Variants in NR3C1 observed in about 807,000 individuals in gnomAD.
NR3C1 encodes glucocorticoid receptor.
NR3C1 carries 14 observed loss-of-function variants against 74.0 expected under a neutral mutation model. The ratio of observed to expected loss-of-function variants is 0.19; its 90% CI spans 0.12 to 0.30. The LOEUF is 0.30. Ranked by LOEUF, NR3C1 falls within the 10% of genes least tolerant of loss-of-function variation. NR3C1 has a pLI of 1.00. For synonymous variants in NR3C1, 308 were observed against 332.5 expected (o/e 0.93, Z 0.80); for missense variants, 695 against 909.8 (o/e 0.76, Z 3.04).
intron 2 of NR3C1, among the ~76,000 whole-genome samples, chr5:143,360,934 T>C (rs776584965): frequency 3.9e-5 from 6 of 152,072 alleles, no homozygotes; most frequent in African/African-American, 9.7e-5. Context: ...CAGTGAAAAA[T>C]AGAAACAAGC....
At position 143,300,448 on chromosome 5, in the gene NR3C1, G is replaced by A. The variant is rs1818275492; in HGVS notation, c.1747+37C>T. Reference sequence around the variant, plus strand: ...GTGTTTTTGCTGAAGAAAACACAAAGGTTTATATAGTTGCTCTTTTATGTT... The same window carrying A: ...GTGTTTTTGCTGAAGAAAACACAAAAGTTTATATAGTTGCTCTTTTATGTT... On this transcript the variant is annotated intron_variant, in intron 5 of 8. Coordinates refer to ENST00000394464, the MANE Select transcript of NR3C1 (RefSeq NM_000176.3). The surrounding 1 kb of genome is among the most constrained non-coding windows in gnomAD (Gnocchi z 5.2). The A allele has an allele frequency of 1.9e-6, 3 of 1,613,578 alleles. No homozygotes were observed. The highest frequency in any genetic ancestry group is 2.5e-6 in the Non-Finnish European group (3 of 1,179,574).
At chr5:143,282,340 A>G (rs1327226703) in intron 8 of NR3C1, among the ~76,000 whole-genome samples, 1 of 152,146 alleles carries the variant, frequency 6.6e-6, no homozygotes, top group African/African-American at 2.4e-5. Context: ...AAATTCTGTA[A>G]TAACATGGTG....
At chr5:143,404,240 A>C, upstream of NR3C1, 16 of 985,308 alleles carry the variant, frequency 1.6e-5, no homozygotes, top group Non-Finnish European at 1.9e-5. Context: ...GAAGTGTGTC[A>C]CTTCGAAAGG....
intron 2 of NR3C1, among the ~76,000 whole-genome samples, chr5:143,387,183 T>G (rs1276244537): frequency 6.6e-6 from 1 of 152,240 alleles, no homozygotes; most frequent in Non-Finnish European, 1.5e-5. Context: ...GCTTCCAGCC[T>G]TTCTACCTTA....
chr5:143,401,486 A>C (rs950494618), intron 1 of NR3C1: 14 of 155,532 alleles, frequency 9.0e-5, no homozygotes, highest in African/African-American at 3.4e-4. Flanking sequence ...AGGCTTTTTA[A>C]CCCATACTTC....
At chr5:143,377,371 GGAT>G (rs1198078425) in intron 2 of NR3C1, among the ~76,000 whole-genome samples, 3 of 152,176 alleles carry the variant, frequency 2.0e-5, no homozygotes, top group Non-Finnish European at 4.4e-5. Context: ...CTGCATGCCA[GGAT>G]GATACTTGAC....
intron 2 of NR3C1, among the ~76,000 whole-genome samples, chr5:143,347,102 G>A (rs1461578692): frequency 1.3e-5 from 2 of 152,146 alleles, no homozygotes; most frequent in Non-Finnish European, 2.9e-5. Context: ...TATAGTACAA[G>A]AAATGTATAT....
At chr5:143,349,224 T>TACA (rs1829826426) in intron 2 of NR3C1, among the ~76,000 whole-genome samples, 1 of 152,182 alleles carries the variant, frequency 6.6e-6, no homozygotes, top group Non-Finnish European at 1.5e-5. Context: ...TCATTTTCCT[T>TACA]ACAACACTAT....
Position 143,279,557 on chromosome 5 carries a change from A to T in NR3C1, c.*2332T>A. ...ATCTTAAAATATTACATTCCCTTTT[A>T]GAGAGCATTCAAAAAGCAAATGATT... On this transcript the variant is annotated 3_prime_UTR_variant, in exon 9 of 9. Transcript: ENST00000394464. 1.6e-6 allele frequency: 1 copy of T among 615,880 alleles called. No homozygotes were observed. Among genetic ancestry groups the T allele is most frequent in the Non-Finnish European group, 2.4e-6 (1 of 410,148 alleles). The allele number at this position is 615,880 out of a possible 1,614,324, so 38.2% of individuals were successfully genotyped here. A position where few individuals can be genotyped will look rare whatever the true frequency, so the allele number is the denominator to read the frequency against.
chr5:143,306,273 T>C (rs1167094473), intron 4 of NR3C1, among the ~76,000 whole-genome samples: 11 of 152,168 alleles, frequency 7.2e-5, no homozygotes, highest in Admixed American at 2.0e-4. Flanking sequence ...ATGGAGAGAC[T>C]TGGGCAAAGT....
intron 2 of NR3C1, among the ~76,000 whole-genome samples, chr5:143,351,721 G>T (rs1830257044): frequency 6.6e-6 from 1 of 152,106 alleles, no homozygotes; most frequent in South Asian, 2.1e-4. Context: ...TATATTCTCA[G>T]CTAAGTAAAA....
chr5:143,289,611 TAAAG>T (rs1227652218), intron 7 of NR3C1, among the ~76,000 whole-genome samples: 1 of 152,150 alleles, frequency 6.6e-6, no homozygotes, highest in African/African-American at 2.4e-5. Flanking sequence ...GTAATCCACT[TAAAG>T]AAAACATGCA....
chr5:143,286,910 A>T lies in NR3C1; in HGVS notation c.2024-4185T>A, dbSNP rs575869034. 2.6e-5 allele frequency among the ~76,000 whole-genome samples: 4 copies of T among 152,212 alleles called. No individual in the cohort carries two copies. The South Asian group carries it at 6.2e-4, about 24-fold the overall frequency. On this transcript the variant is annotated intron_variant, in intron 7 of 8. Transcript: ENST00000394464. ...AGTCATTCAATATTAGAGTCCTTCA[A>T]TGTACCTCCTACCTCAGTGGAATTA...
At chr5:143,363,953 G>A (rs184750625) in intron 2 of NR3C1, among the ~76,000 whole-genome samples, 86 of 152,200 alleles carry the variant, frequency 5.7e-4, no homozygotes, top group African/African-American at 2.0e-3. Context: ...CAGAGTGACA[G>A]AAGGAGCGGA....
rs892393342 is a variant in NR3C1, at chr5:143,403,661, C to G, written c.-464G>C. On this transcript the variant is annotated 5_prime_UTR_variant, in exon 1 of 9. Transcript: ENST00000394464. The stretch of plus-strand genomic sequence containing the variant: ...GCCCGGCCTGGGCGAGCGAGCGGGA[C>G]CGAGCGGGGAGCGGGTGGAGGCGGC... 4 of 985,196 alleles carry G rather than the reference C, an allele frequency of 4.1e-6. No homozygotes were observed. In the African/African-American group the frequency reaches 5.2e-5, roughly 13 times the overall value. 61.0% of individuals were successfully genotyped at this position (985,196 alleles called of 1,614,324 possible).
At chr5:143,367,003 A>G (rs1287033027) in intron 2 of NR3C1, among the ~76,000 whole-genome samples, 2 of 152,202 alleles carry the variant, frequency 1.3e-5, no homozygotes, top group African/African-American at 2.4e-5. Context: ...ATATAAATGC[A>G]AGCATCCTCA....
chr5:143,308,025 T>C lies in NR3C1; in HGVS notation c.1468+2072A>G, dbSNP rs554713105. Among the ~76,000 whole-genome samples, 155 of 152,338 alleles carry C rather than the reference T, an allele frequency of 1.0e-3. 1 individual carries two copies. The Middle Eastern group carries it at 0.017, about 17-fold the overall frequency. On this transcript the variant is annotated intron_variant, in intron 4 of 8. Transcript: ENST00000394464. ...ACTCTGCAGTTAAGTTTAAATAGCC[T>C]GGTCAAACGTAGATAGAGTTGTGTG... is the stretch of plus-strand genomic sequence containing the variant.
intron 2 of NR3C1, among the ~76,000 whole-genome samples, chr5:143,397,473 T>C (rs1414762505): frequency 6.6e-6 from 1 of 151,906 alleles, no homozygotes; most frequent in African/African-American, 2.4e-5. Flanking sequence ...ACTAATTCAA[T>C]GATGGTTTAA....
intron 5 of NR3C1, 123 bp from the exon 6 acceptor site, chr5:143,298,935 G>T: frequency 1.2e-6 from 1 of 854,704 alleles, no homozygotes; most frequent in Non-Finnish European, 1.9e-6. Context: ...ACAGAAAATG[G>T]AAATTAAATA....
Sources: allele counts gnomAD v4.1 joint callset (sites outside exome capture counted in the v4.1 genomes callset), GRCh38; gene constraint gnomAD v4.1.1; non-coding constraint Gnocchi (gnomAD v3.1); transcripts MANE v1.5; gene names NCBI Gene and HGNC (gene_info 2026-07-23, HGNC 2026-07-21).